The following STARD13 variants were observed in gnomAD, a reference collection of about 807,000 sequenced individuals.
The protein encoded by STARD13 is StAR related lipid transfer domain containing 13.
Under a neutral mutation model 106.4 loss-of-function variants are expected in STARD13, and 62 were observed. The ratio of observed to expected loss-of-function variants is 0.58; its 90% confidence interval spans 0.48 to 0.72. STARD13 has a LOEUF of 0.72. Ranked by LOEUF, STARD13 falls within the 30% of genes least tolerant of loss-of-function variation. STARD13 has a pLI of 0.00. For synonymous variants in STARD13, 565 were observed against 553.0 expected, an observed-to-expected ratio of 1.02 and a Z score of -0.31; for missense variants, 1,387 against 1,424.0, an observed-to-expected ratio of 0.97 and a Z score of 0.42.
chr13:33,130,360 G>A lies in STARD13; in HGVS notation c.388-71C>T. On this transcript the variant is annotated intron_variant, in intron 4 of 13. Transcript: ENST00000336934. This position sits in a 1 kb window ranked among gnomAD's most constrained non-coding sequence, Gnocchi z 4.1. ...AAGCAGGAACTCTGGGTGCTCTGAG[G>A]GCAGCCCTGTGTGGTCCTCCACCTC... The A allele has an allele frequency of 1.3e-6, 2 of 1,487,238 alleles. No homozygotes were observed. Among genetic ancestry groups the A allele is most frequent in the Non-Finnish European group, 9.1e-7 (1 of 1,098,562 alleles). The allele number at this position is 1,487,238 out of a possible 1,614,324, so 92.1% of individuals were successfully genotyped here.
In STARD13 at chr13:33,299,020, TA is replaced by T. The variant is rs1256307805; in HGVS notation, c.124+51269del. ...CTTAATGACAGTGGTCCCATAAGAT[TA>T]TAATAGCATACGTTTACCGTACTTT... On this transcript the variant is annotated intron_variant, in intron 1 of 5. Transcript: ENST00000567873. Among the ~76,000 whole-genome samples the T allele has an allele frequency of 1.6e-3, 249 of 152,324 alleles. 2 individuals carry two copies. The highest frequency in any genetic ancestry group is 1.8e-4 in the Non-Finnish European group (12 of 68,020).
the STARD13 span, among the ~76,000 whole-genome samples, chr13:33,583,829 C>T: frequency 1.4e-5 from 2 of 148,120 alleles, no homozygotes; most frequent in East Asian, 2.0e-4. Flanking sequence ...GATGGAATCT[C>T]GCTCAGCACC....
chr13:33,324,217 T>C (rs374872627), intron 1 of STARD13, among the ~76,000 whole-genome samples: 1 of 152,216 alleles, frequency 6.6e-6, no homozygotes, highest in East Asian at 1.9e-4. Context: ...TCCATATTTG[T>C]TTTCAAGTTA....
chr13:33,517,887 G>A, the STARD13 span, among the ~76,000 whole-genome samples: 3 of 152,014 alleles, frequency 2.0e-5, no homozygotes, highest in Non-Finnish European at 4.4e-5. Flanking sequence ...TAACCAGACT[G>A]TACTGAGAAC....
intron 1 of STARD13, among the ~76,000 whole-genome samples, chr13:33,237,531 A>C (rs965740390): frequency 1.3e-5 from 2 of 152,158 alleles, no homozygotes; most frequent in African/African-American, 4.8e-5. Flanking sequence ...TATTGCAATG[A>C]ACTATTTTTC....
chr13:33,177,367 C>T (rs537608298), intron 1 of STARD13, among the ~76,000 whole-genome samples: 75 of 152,160 alleles, frequency 4.9e-4, no homozygotes, highest in South Asian at 3.3e-3. Flanking sequence ...GGCAAATGTA[C>T]GAATAGAAGG....
chr13:33,653,445 A>G, the STARD13 span, among the ~76,000 whole-genome samples: 1 of 152,208 alleles, frequency 6.6e-6, no homozygotes, highest in East Asian at 1.9e-4. Flanking sequence ...AGCCTTTTCA[A>G]CAAATGATGC....
At chr13:33,206,273 G>A (rs1887412492) in intron 1 of STARD13, among the ~76,000 whole-genome samples, 1 of 152,002 alleles carries the variant, frequency 6.6e-6, no homozygotes, top group East Asian at 1.9e-4. Flanking sequence ...TTTTAAGTTA[G>A]CCTAAAACTT....
the STARD13 span, among the ~76,000 whole-genome samples, chr13:33,541,420 G>T: frequency 2.0e-5 from 3 of 151,998 alleles, no homozygotes; most frequent in Non-Finnish European, 4.4e-5. Context: ...CCCTATTTCT[G>T]ACCAATCTTG....
chr13:33,601,209 T>C, the STARD13 span, among the ~76,000 whole-genome samples: 2 of 151,588 alleles, frequency 1.3e-5, no homozygotes, highest in Admixed American at 1.3e-4. Context: ...TCAAAAAATG[T>C]TTTTGTTTTT....
the STARD13 span, among the ~76,000 whole-genome samples, chr13:33,662,745 G>A: frequency 1.3e-5 from 2 of 152,130 alleles, no homozygotes; most frequent in African/African-American, 4.8e-5. Context: ...GATCACACAA[G>A]GTTAAAACGA....
Position 33,124,412 on chromosome 13 carries a change from A to C in STARD13, c.2082+1669T>G, listed in dbSNP as rs78055034. On this transcript the variant is annotated intron_variant, in intron 7 of 13. Transcript: ENST00000336934. Reference sequence around the variant, plus strand: ...CTCTATTCATTTTAATTACATTTAGAATCAGTATTTATATCTTGAAATGAG... The same window carrying C: ...CTCTATTCATTTTAATTACATTTAGCATCAGTATTTATATCTTGAAATGAG... Among the ~76,000 whole-genome samples, 947 of 152,298 alleles carry C rather than the reference A, an allele frequency of 6.2e-3. 13 individuals are homozygous for C. The highest frequency in any genetic ancestry group is 0.022 in the African/African-American group (908 of 41,554).
At chr13:33,156,035 T>C (rs905040334) in intron 3 of STARD13, among the ~76,000 whole-genome samples, 1 of 152,228 alleles carries the variant, frequency 6.6e-6, no homozygotes, top group Non-Finnish European at 1.5e-5. Context: ...ATTATGCAAA[T>C]GAATGACTGC....
In STARD13 at chr13:33,130,303, A is replaced by C. The variant is rs1338152686; in HGVS notation, c.388-14T>G. 1 of 1,595,332 alleles carries C rather than the reference A, an allele frequency of 6.3e-7. No individual in the cohort carries two copies. The highest frequency in any genetic ancestry group is 1.7e-5 in the Admixed American group (1 of 59,856). ...GGAGTCGTCACCCTGCAGAGCACCA[A>C]GGAAAATGCTCATTAGCAGACAGCG... On this transcript the variant is annotated splice_polypyrimidine_tract_variant and intron_variant, in intron 4 of 13. Coordinates refer to ENST00000336934, the MANE Select transcript of STARD13 (RefSeq NM_178006.4). The surrounding 1 kb of genome is among the most constrained non-coding windows in gnomAD (Gnocchi z 4.1).
At chr13:33,209,453 C>T (rs975779742) in intron 1 of STARD13, among the ~76,000 whole-genome samples, 1 of 131,388 alleles carries the variant, frequency 7.6e-6, no homozygotes, top group African/African-American at 2.9e-5. Context: ...TTCTCTCTCT[C>T]TCTCTCTTTT....
chr13:33,240,955 C>T (rs1305940468), intron 1 of STARD13, among the ~76,000 whole-genome samples: 1 of 149,958 alleles, frequency 6.7e-6, no homozygotes, highest in Non-Finnish European at 1.5e-5. Flanking sequence ...TTAGTTCTAA[C>T]CATTTTTTGG....
chr13:33,370,744 A>ATT, the STARD13 span, among the ~76,000 whole-genome samples: 2 of 150,516 alleles, frequency 1.3e-5, no homozygotes, highest in Admixed American at 1.3e-4. Context: ...TCAGCCTCCC[A>ATT]AGTGGCTGGG....
chr13:33,189,545 G>C (rs1479564905), intron 1 of STARD13, among the ~76,000 whole-genome samples: 1 of 151,510 alleles, frequency 6.6e-6, no homozygotes, highest in Non-Finnish European at 1.5e-5. Flanking sequence ...AGGCTAGCAG[G>C]AGTACTTCTG....
chr13:33,295,633 CAA>C (rs1184800535), intron 1 of STARD13, among the ~76,000 whole-genome samples: 1 of 151,868 alleles, frequency 6.6e-6, no homozygotes, highest in African/African-American at 2.4e-5. Flanking sequence ...TTTATCATGA[CAA>C]AAGAGGAGGA....
Sources: gnomAD v4.1 joint callset for allele counts (sites outside exome capture counted in the v4.1 genomes callset) on GRCh38, gnomAD v4.1.1 for gene constraint, Gnocchi (gnomAD v3.1) non-coding constraint, MANE v1.5 for transcripts, NCBI Gene and HGNC (gene_info 2026-07-23, HGNC 2026-07-21) for gene names.